The following SH3PXD2A variants were observed in gnomAD, a reference collection of about 807,000 sequenced individuals.
SH3PXD2A encodes SH3 and PX domain-containing protein 2A.
A neutral mutation model predicts 115.2 loss-of-function variants in SH3PXD2A; 32 were observed. The ratio of observed to expected loss-of-function variants is 0.28; its 90% CI spans 0.21 to 0.37. SH3PXD2A has a LOEUF of 0.37. Among genes scored for constraint, SH3PXD2A ranks in the 10% least tolerant of loss-of-function variants. SH3PXD2A has a pLI of 1.00. For synonymous variants in SH3PXD2A, 610 were observed against 629.1 expected (o/e 0.97, Z 0.45); for missense variants, 1,328 against 1,498.7 (o/e 0.89, Z 1.88).
chr10:103,613,310 T>G, intron 11 of SH3PXD2A, 120 bp from the exon 12 acceptor site: 3 of 734,452 alleles, frequency 4.1e-6, no homozygotes, highest in Non-Finnish European at 4.3e-6. Flanking sequence ...TCTGCAAGGC[T>G]TGGCAATCCC....
chr10:103,821,583 T>C (rs12220274), intron 1 of SH3PXD2A, among the ~76,000 whole-genome samples: 91,507 of 151,536 alleles, frequency 0.6, 28,164 homozygotes, highest in South Asian at 0.7. Context: ...GGCAGGGTCT[T>C]ACTCTGTCAC....
chr10:103,626,940 G>A, intron 9 of SH3PXD2A, 149 bp downstream of exon 9: 1 of 593,704 alleles, frequency 1.7e-6, no homozygotes, highest in Admixed American at 2.9e-5. Flanking sequence ...TGAGCTTTTG[G>A]GCCAACCTTA....
intron 1 of SH3PXD2A, among the ~76,000 whole-genome samples, chr10:103,836,148 T>C (rs921920039): frequency 1.3e-5 from 2 of 152,142 alleles, no homozygotes; most frequent in African/African-American, 4.8e-5. Flanking sequence ...AAAGAGGCAA[T>C]GGAGGAAAAG....
intron 10 of SH3PXD2A, among the ~76,000 whole-genome samples, chr10:103,619,354 G>A (rs1055905484): frequency 1.8e-4 from 28 of 152,234 alleles, no homozygotes; most frequent in African/African-American, 6.5e-4. Flanking sequence ...GCAGCGCCAG[G>A]CTCCGGGAAT....
At chr10:103,799,277 A>T (rs955419335) in intron 2 of SH3PXD2A, among the ~76,000 whole-genome samples, 3 of 152,246 alleles carry the variant, frequency 2.0e-5, no homozygotes, top group Admixed American at 2.0e-4. Context: ...AAAATCAGCG[A>T]CCTGATAAAT....
intron 1 of SH3PXD2A, among the ~76,000 whole-genome samples, chr10:103,840,070 C>T (rs918887566): frequency 8.5e-5 from 13 of 152,242 alleles, no homozygotes; most frequent in African/African-American, 2.7e-4. Flanking sequence ...GACAGACTGG[C>T]AGAGGCAGAA....
At chr10:103,667,475 G>A (rs1409792199) in intron 7 of SH3PXD2A, among the ~76,000 whole-genome samples, 2 of 152,178 alleles carry the variant, frequency 1.3e-5, no homozygotes, top group Non-Finnish European at 2.9e-5. Flanking sequence ...GTGTGGAGAG[G>A]GGAAAAAGGG....
intron 3 of SH3PXD2A, among the ~76,000 whole-genome samples, chr10:103,739,375 C>T (rs1243646571): frequency 6.6e-6 from 1 of 152,228 alleles, no homozygotes; most frequent in East Asian, 1.9e-4. Context: ...CCCAATGGGG[C>T]TTCCCCCTTT....
At position 103,627,148 on chromosome 10, in the gene SH3PXD2A, A is replaced by G; in HGVS notation, c.659T>C (p.Leu220Pro). ...ATCCCGAGTACCATTCTGGGCCTCC[A>G]GGTAGGTGGCAGGGACCCAGCCCTG... ...EEQGWVPATY[L>P]EAQNGTRDDS... Residue 220 changes from leucine to proline, a missense_variant, in exon 9 of 15, where the codon CTG (leucine) becomes CCG (proline). Leu to Pro is a moderately conservative substitution (Grantham distance 98). This residue lies in a region of SH3PXD2A where 509 missense variants were observed against 628.3 expected (regional missense o/e 0.81). Transcript: ENST00000369774. The surrounding 1 kb of genome is among the most constrained non-coding windows in gnomAD (Gnocchi z 4.4). 1.2e-6 allele frequency: 2 copies of G among 1,613,724 alleles called. No homozygotes were observed. The highest frequency in any genetic ancestry group is 2.2e-5 in the East Asian group (1 of 44,882).
chr10:103,845,961 T>A (rs1045163797), intron 1 of SH3PXD2A, among the ~76,000 whole-genome samples: 1 of 152,228 alleles, frequency 6.6e-6, no homozygotes, highest in Non-Finnish European at 1.5e-5. Flanking sequence ...ACATGGGGCA[T>A]TACTTCCATT....
chr10:103,624,460 C>A (rs2036659765), intron 9 of SH3PXD2A, among the ~76,000 whole-genome samples: 1 of 152,124 alleles, frequency 6.6e-6, no homozygotes, highest in African/African-American at 2.4e-5. Context: ...ACTGAAGCAC[C>A]CTGCGAATGT....
intron 5 of SH3PXD2A, among the ~76,000 whole-genome samples, chr10:103,701,165 C>CA (rs2037894357): frequency 6.8e-6 from 1 of 146,962 alleles, no homozygotes; most frequent in Non-Finnish European, 1.5e-5. Flanking sequence ...TCCATCCATC[C>CA]ATCCATCCAT....
intron 5 of SH3PXD2A, among the ~76,000 whole-genome samples, chr10:103,702,562 C>T (rs1035879285): frequency 7.0e-5 from 9 of 127,998 alleles, no homozygotes; most frequent in Non-Finnish European, 1.5e-4. Flanking sequence ...AGCAACGGTG[C>T]AGGGGCAGGA....
chr10:103,854,626 C>G (rs1245796088), intron 1 of SH3PXD2A, among the ~76,000 whole-genome samples: 1 of 152,220 alleles, frequency 6.6e-6, no homozygotes, highest in Non-Finnish European at 1.5e-5. Context: ...CAATTCTCCT[C>G]ACACCGACGG....
chr10:103,797,219 G>A (rs2039100346), intron 2 of SH3PXD2A, among the ~76,000 whole-genome samples: 1 of 152,038 alleles, frequency 6.6e-6, no homozygotes, highest in Non-Finnish European at 1.5e-5. Flanking sequence ...AAATTTAATT[G>A]GACATCTCAT....
intron 5 of SH3PXD2A, among the ~76,000 whole-genome samples, chr10:103,698,920 A>G (rs2037858363): frequency 6.6e-6 from 1 of 152,030 alleles, no homozygotes; most frequent in Non-Finnish European, 1.5e-5. Flanking sequence ...AAAGCTCTAC[A>G]AGCAGGAGCA....
intron 2 of SH3PXD2A, among the ~76,000 whole-genome samples, chr10:103,794,126 C>T (rs990092470): frequency 7.9e-5 from 12 of 152,158 alleles, no homozygotes; most frequent in African/African-American, 1.9e-4. Flanking sequence ...ATAATTTTTC[C>T]ACCCATCATG....
Position 103,778,728 on chromosome 10 carries a change from C to T in SH3PXD2A, c.154-11559G>A, listed in dbSNP as rs117461328. Among the ~76,000 whole-genome samples the T allele has an allele frequency of 7.6e-4, 116 of 152,344 alleles. 1 individual carries two copies. In the East Asian group the frequency reaches 0.02, roughly 27 times the overall value. On this transcript the variant is annotated intron_variant, in intron 2 of 14. Coordinates refer to ENST00000369774, the MANE Select transcript of SH3PXD2A (RefSeq NM_001394015.1). ...CTGATCTCTGATGCCCTCCTCCAGC[C>T]CTTTCTGCTTTCAGGGAGCTGCTCA... is the stretch of plus-strand genomic sequence containing the variant.
intron 5 of SH3PXD2A, among the ~76,000 whole-genome samples, chr10:103,709,990 G>A (rs2038028601): frequency 6.6e-6 from 1 of 151,930 alleles, no homozygotes; most frequent in African/African-American, 2.4e-5. Flanking sequence ...AGCTACTTGG[G>A]AGGCTGAGGC....
Sources: gnomAD v4.1 joint callset for allele counts (sites outside exome capture counted in the v4.1 genomes callset) on GRCh38, gnomAD v4.1.1 for gene constraint, gnomAD v4.1.1 regional missense constraint, Gnocchi (gnomAD v3.1) non-coding constraint, MANE v1.5 for transcripts, NCBI Gene and HGNC (gene_info 2026-07-23, HGNC 2026-07-21) for gene names.